Variants in PSKH1 observed in about 807,000 individuals in gnomAD.
PSKH1 encodes protein serine kinase H1.
Under a neutral mutation model 26.7 loss-of-function variants are expected in PSKH1, and 12 were observed. That is an observed-to-expected ratio of 0.45 (90% CI 0.29 to 0.73). The LOEUF (loss-of-function observed/expected upper bound fraction) is 0.73, where lower values mean the gene tolerates loss of function less well. Ranked by LOEUF, PSKH1 falls within the 30% of genes least tolerant of loss-of-function variation. The pLI is 0.11. For missense variants in PSKH1, 431 were observed against 595.2 expected, an observed-to-expected ratio of 0.72 and a Z score of 2.87; for synonymous variants, 213 against 234.3, an observed-to-expected ratio of 0.91 and a Z score of 0.83.
intron 1 of PSKH1, among the ~76,000 whole-genome samples, chr16:67,897,332 G>A (rs958325321): frequency 2.0e-5 from 3 of 152,168 alleles, no homozygotes; most frequent in African/African-American, 4.8e-5. Flanking sequence ...GCATTAAGCC[G>A]GTTTGTGTTG....
intron 1 of PSKH1, among the ~76,000 whole-genome samples, chr16:67,894,758 T>A (rs1385580301): frequency 2.6e-5 from 4 of 152,122 alleles, no homozygotes. Context: ...ATGGATAGAT[T>A]CAACTGTATT....
chr16:67,902,091 C>G (rs1246231321), intron 1 of PSKH1, among the ~76,000 whole-genome samples: 1 of 151,906 alleles, frequency 6.6e-6, no homozygotes, highest in Admixed American at 6.6e-5. Flanking sequence ...GTAACCCTGT[C>G]TCTACTAAAA....
At chr16:67,914,734 G>A (rs1371535624) in intron 2 of PSKH1, among the ~76,000 whole-genome samples, 1 of 152,192 alleles carries the variant, frequency 6.6e-6, no homozygotes, top group Non-Finnish European at 1.5e-5. Context: ...GATTACAGGC[G>A]TGAGCCACCG....
chr16:67,922,453 C>G (rs1313042659), intron 2 of PSKH1, among the ~76,000 whole-genome samples: 1 of 152,174 alleles, frequency 6.6e-6, no homozygotes, highest in Non-Finnish European at 1.5e-5. Context: ...TTCTTCCTCC[C>G]TTCCCATCCC....
chr16:67,916,021 G>T (rs976433518), intron 2 of PSKH1, among the ~76,000 whole-genome samples: 1 of 152,238 alleles, frequency 6.6e-6, no homozygotes. Flanking sequence ...GAGCCACTGG[G>T]CCTGGGCAGT....
chr16:67,917,978 T>C (rs2058192334), intron 2 of PSKH1, among the ~76,000 whole-genome samples: 1 of 152,076 alleles, frequency 6.6e-6, no homozygotes, highest in East Asian at 1.9e-4. Context: ...AGCGAAGGCC[T>C]GTGTGAATGT....
rs2058226430 is a variant in PSKH1, at chr16:67,928,470, T to TG, written c.*833dup. On this transcript the variant is annotated 3_prime_UTR_variant, in exon 3 of 3. Coordinates refer to ENST00000291041, the MANE Select transcript of PSKH1 (RefSeq NM_006742.3). The surrounding 1 kb of genome is among the most constrained non-coding windows in gnomAD (Gnocchi z 4.8). ...ATTCCCCAGGTGCCTCCTTCCCAAC[T>TG]GGGGGTGGTTAAAGGGAGCCCCACT... The TG allele has an allele frequency of 6.6e-6, 1 of 152,582 alleles. No homozygotes were observed. 9.5% of individuals were successfully genotyped at this position (152,582 alleles called of 1,614,324 possible).
intron 2 of PSKH1, chr16:67,910,105 G>GTTT: frequency 5.6e-6 from 2 of 356,490 alleles, no homozygotes; most frequent in Non-Finnish European, 1.0e-5. Context: ...TTTTTGTTTT[G>GTTT]TTTTTTTTTT....
chr16:67,913,861 AG>A (rs1294976742), intron 2 of PSKH1, among the ~76,000 whole-genome samples: 1 of 152,204 alleles, frequency 6.6e-6, no homozygotes, highest in African/African-American at 2.4e-5. Context: ...CTTTAGGAGC[AG>A]GTTTTTTAGG....
intron 1 of PSKH1, among the ~76,000 whole-genome samples, chr16:67,903,367 G>A (rs143807613): frequency 0.015 from 2,254 of 152,212 alleles, 30 homozygotes; most frequent in Middle Eastern, 0.092. Flanking sequence ...GCCCAGGCTG[G>A]TCTTGAACTC....
intron 1 of PSKH1, among the ~76,000 whole-genome samples, chr16:67,897,506 A>G (rs765486061): frequency 2.6e-5 from 4 of 152,206 alleles, no homozygotes; most frequent in Non-Finnish European, 5.9e-5. Context: ...AGAGTCATGT[A>G]TCAAGGGACT....
chr16:67,909,758 A>T lies in PSKH1; in HGVS notation c.957+52A>T. ...ATGTTGGGGAGGCACCTGCGGGGGC[A>T]GGTATATCCTGCAGCTCTCAGTCAG... On this transcript the variant is annotated intron_variant, in intron 2 of 2. Transcript: ENST00000291041. The surrounding 1 kb of genome is among the most constrained non-coding windows in gnomAD (Gnocchi z 7.8). 1 of 1,515,958 alleles carries T rather than the reference A, an allele frequency of 6.6e-7. No individual in the cohort carries two copies. Among genetic ancestry groups the T allele is most frequent in the Non-Finnish European group, 9.0e-7 (1 of 1,111,050 alleles). The allele number at this position is 1,515,958 out of a possible 1,614,324, so 93.9% of individuals were successfully genotyped here.
intron 2 of PSKH1, among the ~76,000 whole-genome samples, chr16:67,922,204 TTCTGCTGATGC>T (rs992002008): frequency 2.0e-5 from 3 of 152,116 alleles, no homozygotes; most frequent in African/African-American, 7.2e-5. Context: ...CAGTGTCTAA[TTCTGCTGATGC>T]TCTTCGTCGT....
rs1161526630 is a variant in PSKH1 at position 67,909,898 on chromosome 16, T to C, written c.957+192T>C. 5.0e-6 allele frequency: 3 copies of C among 597,752 alleles called. No homozygotes were observed. Among genetic ancestry groups the C allele is most frequent in the Non-Finnish European group, 5.9e-6 (2 of 337,598 alleles). The allele number at this position is 597,752 out of a possible 1,614,324, so 37.0% of individuals were successfully genotyped here. On this transcript the variant is annotated intron_variant, in intron 2 of 2. Coordinates refer to ENST00000291041, the MANE Select transcript of PSKH1 (RefSeq NM_006742.3). The surrounding 1 kb of genome is among the most constrained non-coding windows in gnomAD (Gnocchi z 7.8). ...TCAAGGTGAGCCCTGAGACAAGGACTTGGGAGCAGATAGTTTATTTGGGAT... is the reference window on the plus strand; with the variant it reads ...TCAAGGTGAGCCCTGAGACAAGGACCTGGGAGCAGATAGTTTATTTGGGAT...
At chr16:67,893,491 G>T (rs1307092681) in intron 1 of PSKH1, 120 bp downstream of exon 1, 1 of 152,346 alleles carries the variant, frequency 6.6e-6, no homozygotes, top group African/African-American at 2.4e-5. Flanking sequence ...GTCGGCCCGT[G>T]CCCCGTGCGC....
intron 2 of PSKH1, among the ~76,000 whole-genome samples, chr16:67,924,548 AGTG>A (rs1230762411): frequency 6.6e-6 from 1 of 152,196 alleles, no homozygotes; most frequent in Non-Finnish European, 1.5e-5. Context: ...GTGGATGTGA[AGTG>A]GTGAAACCTC....
Position 67,915,396 on chromosome 16 carries a change from C to T in PSKH1, c.957+5690C>T, listed in dbSNP as rs921639182. The stretch of plus-strand genomic sequence containing the variant: ...ACCCCAAAAATCAGATTCTATCACC[C>T]GCTGTGGAGAGCTCTGGGTTGGGAG... On this transcript the variant is annotated intron_variant, in intron 2 of 2. Transcript: ENST00000291041. Among the ~76,000 whole-genome samples, 3 of 152,128 alleles carry T rather than the reference C, an allele frequency of 2.0e-5. No homozygotes were observed. In the East Asian group the frequency reaches 5.8e-4, roughly 29 times the overall value.
intron 2 of PSKH1, among the ~76,000 whole-genome samples, chr16:67,925,957 A>G (rs955297325): frequency 6.6e-6 from 1 of 151,974 alleles, no homozygotes; most frequent in Non-Finnish European, 1.5e-5. Flanking sequence ...TGTCTGCTAG[A>G]TGGCTGTGCA....
At chr16:67,924,599 G>T (rs547722682) in intron 2 of PSKH1, among the ~76,000 whole-genome samples, 2 of 152,382 alleles carry the variant, frequency 1.3e-5, no homozygotes, top group South Asian at 4.1e-4. Flanking sequence ...CTCTGTAGGG[G>T]AGTTGCCCCT....
Sources: gnomAD v4.1 joint callset for allele counts (sites outside exome capture counted in the v4.1 genomes callset) on GRCh38, gnomAD v4.1.1 for gene constraint, Gnocchi (gnomAD v3.1) non-coding constraint, MANE v1.5 for transcripts, NCBI Gene and HGNC (gene_info 2026-07-23, HGNC 2026-07-21) for gene names.